ANK3: variants seen among roughly 807,000 people sequenced by gnomAD.
The protein encoded by ANK3 is ankyrin-3.
In ANK3, 57 loss-of-function variants were observed where a neutral mutation model predicts 370.9. That is an observed-to-expected ratio of 0.15 (90% CI 0.12 to 0.19). The LOEUF (loss-of-function observed/expected upper bound fraction) is 0.19. Ranked by LOEUF, ANK3 falls within the 10% of genes least tolerant of loss-of-function variation. The probability of loss-of-function intolerance (pLI) is 1.00; values close to 1 mark genes in which losing one functional copy is unlikely to be tolerated. For synonymous variants in ANK3, 1,929 were observed against 1,946.3 expected (o/e 0.99, Z 0.23); for missense variants, 4,439 against 5,302.1 (o/e 0.84, Z 5.06).
At chr10:60,463,091 A>T (rs1321247143) in intron 2 of ANK3, among the ~76,000 whole-genome samples, 1 of 151,972 alleles carries the variant, frequency 6.6e-6, no homozygotes, top group Non-Finnish European at 1.5e-5. Flanking sequence ...TTTTGTAGAG[A>T]CTGGGTTTCA....
chr10:60,601,996 T>G (rs2078070982), intron 2 of ANK3, among the ~76,000 whole-genome samples: 1 of 152,156 alleles, frequency 6.6e-6, no homozygotes. Flanking sequence ...CAAACTTGCT[T>G]GTGCATAAAA....
rs566820044 is a variant in ANK3, at chr10:60,442,833, G to A, written c.97-163194C>T. Among the ~76,000 whole-genome samples, 13 of 152,190 alleles carry A rather than the reference G, an allele frequency of 8.5e-5. 1 individual carries two copies. The South Asian group carries it at 2.1e-3, about 24-fold the overall frequency. On this transcript the variant is annotated intron_variant, in intron 2 of 43. Transcript: ENST00000373827. ...GCAGCAGTTGTTGTTATCCCCATTTGACAGATAAAAAAATTAAAGCACAAG... is the reference window on the plus strand; with the variant it reads ...GCAGCAGTTGTTGTTATCCCCATTTAACAGATAAAAAAATTAAAGCACAAG...
At chr10:60,232,055 GTTT>G (rs2097253942) in intron 8 of ANK3, among the ~76,000 whole-genome samples, 1 of 152,150 alleles carries the variant, frequency 6.6e-6, no homozygotes, top group Admixed American at 6.5e-5. Flanking sequence ...GAATTTGTAT[GTTT>G]TTCTCCTGGC....
At chr10:60,297,654 G>A (rs184918677) in intron 1 of ANK3, among the ~76,000 whole-genome samples, 24 of 152,136 alleles carry the variant, frequency 1.6e-4, no homozygotes, top group African/African-American at 4.3e-4. Context: ...GAATGACTTC[G>A]AAAAGATATC....
At chr10:60,078,856 GAA>G (rs2084428640) in intron 36 of ANK3, among the ~76,000 whole-genome samples, 2 of 152,192 alleles carry the variant, frequency 1.3e-5, no homozygotes, top group South Asian at 2.1e-4. Context: ...TCATAAAACA[GAA>G]AACTTCGCTC....
intron 25 of ANK3, among the ~76,000 whole-genome samples, chr10:60,132,648 G>A (rs576425054): frequency 1.5e-4 from 23 of 148,664 alleles, no homozygotes; most frequent in African/African-American, 4.0e-4. Flanking sequence ...ACAGAGTCTC[G>A]CTCTGTTGCC....
chr10:60,401,838 C>A (rs773034666), intron 2 of ANK3, among the ~76,000 whole-genome samples: 6 of 152,018 alleles, frequency 3.9e-5, no homozygotes, highest in Admixed American at 6.5e-5. Context: ...AGTTCATATA[C>A]CCATTAAGTA....
chr10:60,128,688 C>A (rs1452324936), intron 25 of ANK3, among the ~76,000 whole-genome samples: 3 of 152,030 alleles, frequency 2.0e-5, no homozygotes, highest in Non-Finnish European at 4.4e-5. Flanking sequence ...GACTCTTCAT[C>A]TTTTTAATGG....
rs140346169 is a variant in ANK3, at chr10:60,172,315, G to T, written c.2471C>A (p.Thr824Asn). Residue 824 changes from threonine (T) to asparagine (N), a missense_variant, in exon 21 of 44, where the codon ACC becomes AAC. This residue lies in a region of ANK3 where 702 missense variants were observed against 941.5 expected (regional missense o/e 0.75). Coordinates refer to ENST00000280772, the MANE Select transcript of ANK3 (RefSeq NM_020987.5). ...TLKIVTEETM[T>N]TTTVTEKHKM... ...TCTGCATTCCTTACTTACAGTTGTG[G>T]TCATGGTCTCTTCGGTCACTATCTT... 1 of 1,613,392 alleles carries T rather than the reference G, an allele frequency of 6.2e-7. No homozygotes were observed. Among genetic ancestry groups the T allele is most frequent in the African/African-American group, 1.3e-5 (1 of 74,868 alleles).
Position 60,642,854 on chromosome 10 carries a change from T to C in ANK3, c.58-27630A>G, listed in dbSNP as rs149475923. On this transcript the variant is annotated intron_variant, in intron 1 of 43. Transcript: ENST00000373827. ...GAGAAGATTTAATAATAATTTACAA[T>C]GTGCATGTGTCCAATAACAGAGCTT... Among the ~76,000 whole-genome samples, 285 of 152,274 alleles carry C rather than the reference T, an allele frequency of 1.9e-3. 2 individuals are homozygous for C. Among genetic ancestry groups the C allele is most frequent in the African/African-American group, 6.5e-3 (270 of 41,566 alleles).
chr10:60,043,152 G>T (rs1211278401), intron 42 of ANK3: 7 of 991,716 alleles, frequency 7.1e-6, no homozygotes, highest in Non-Finnish European at 8.4e-6. Flanking sequence ...TGGAAATGCT[G>T]TTGATCTGAG....
chr10:60,356,632 G>C (rs1458857059), intron 1 of ANK3, among the ~76,000 whole-genome samples: 2 of 152,190 alleles, frequency 1.3e-5, no homozygotes, highest in Non-Finnish European at 2.9e-5. Flanking sequence ...ATTTCCAGGA[G>C]CAGTCTCACC....
At chr10:60,728,650 A>G (rs1451696405) in intron 1 of ANK3, among the ~76,000 whole-genome samples, 1 of 152,192 alleles carries the variant, frequency 6.6e-6, no homozygotes, top group Non-Finnish European at 1.5e-5. Flanking sequence ...TCCTTCGTCT[A>G]GTGAAGAAAT....
At chr10:60,378,015 AT>A (rs1239357375) in intron 1 of ANK3, among the ~76,000 whole-genome samples, 1 of 152,138 alleles carries the variant, frequency 6.6e-6, no homozygotes, top group East Asian at 1.9e-4. Flanking sequence ...TGTCTAATCA[AT>A]TTTTTGAGAA....
chr10:60,187,016 G>C, intron 16 of ANK3, 104 bp from the exon 17 acceptor site: 1 of 1,126,548 alleles, frequency 8.9e-7, no homozygotes, highest in Non-Finnish European at 1.3e-6. Flanking sequence ...TTCTATGATT[G>C]CTTAAGAAAT....
At chr10:60,155,087 T>G (rs1260646194) in intron 23 of ANK3, among the ~76,000 whole-genome samples, 1 of 152,038 alleles carries the variant, frequency 6.6e-6, no homozygotes, top group Non-Finnish European at 1.5e-5. Flanking sequence ...CAACTATCAA[T>G]GCAAGAAAGC....
intron 1 of ANK3, among the ~76,000 whole-genome samples, chr10:60,644,900 AAAAAC>A (rs1255989764): frequency 6.6e-6 from 1 of 151,012 alleles, no homozygotes; most frequent in Non-Finnish European, 1.5e-5. Flanking sequence ...TAAAAAAAAA[AAAAAC>A]GATGAGTCAT....
At chr10:60,036,474 C>T (rs1423050094) in intron 43 of ANK3, among the ~76,000 whole-genome samples, 3 of 113,594 alleles carry the variant, frequency 2.6e-5, no homozygotes, top group South Asian at 3.1e-4. Flanking sequence ...CTTGCTCTGT[C>T]GCCCAGGCTG....
chr10:60,694,451 T>A (rs2079411003), intron 1 of ANK3, among the ~76,000 whole-genome samples: 1 of 152,096 alleles, frequency 6.6e-6, no homozygotes, highest in South Asian at 2.1e-4. Context: ...ATTGTCAGAT[T>A]CACCAAAGTT....
Sources: gnomAD v4.1 joint callset for allele counts (sites outside exome capture counted in the v4.1 genomes callset) on GRCh38, gnomAD v4.1.1 for gene constraint, gnomAD v4.1.1 regional missense constraint, MANE v1.5 for transcripts, NCBI Gene and HGNC (gene_info 2026-07-23, HGNC 2026-07-21) for gene names.